The following CNNM2 variants were observed in gnomAD, a reference collection of about 807,000 sequenced individuals.
CNNM2 encodes metal transporter CNNM2.
A neutral mutation model predicts 66.9 loss-of-function variants in CNNM2; 12 were observed. The ratio of observed to expected loss-of-function variants is 0.18; its 90% CI spans 0.11 to 0.29. The LOEUF (loss-of-function observed/expected upper bound fraction) is 0.29, where lower values mean the gene tolerates loss of function less well. Ranked by LOEUF, CNNM2 falls within the 10% of genes least tolerant of loss-of-function variation. CNNM2 has a pLI of 1.00. For missense variants in CNNM2, 705 were observed against 1,167.7 expected, an observed-to-expected ratio of 0.60 and a Z score of 5.77; for synonymous variants, 557 against 501.8, an observed-to-expected ratio of 1.11 and a Z score of -1.47.
At chr10:103,022,721 T>C (rs1018775833) in intron 1 of CNNM2, among the ~76,000 whole-genome samples, 2 of 152,106 alleles carry the variant, frequency 1.3e-5, no homozygotes, top group African/African-American at 2.4e-5. Flanking sequence ...TGAGACTGGG[T>C]AATTTATAAA....
intron 1 of CNNM2, among the ~76,000 whole-genome samples, chr10:103,022,967 A>G (rs1420471046): frequency 6.6e-6 from 1 of 152,004 alleles, no homozygotes; most frequent in Non-Finnish European, 1.5e-5. Flanking sequence ...CAGTGGCATG[A>G]TTTCAGTTCA....
chr10:102,975,498 AC>A (rs2063615767), intron 1 of CNNM2, among the ~76,000 whole-genome samples: 1 of 144,604 alleles, frequency 6.9e-6, no homozygotes, highest in African/African-American at 2.6e-5. Flanking sequence ...ACAAACCTCC[AC>A]AGAGTTAAAC....
chr10:103,013,603 A>C (rs1666162508), intron 1 of CNNM2, among the ~76,000 whole-genome samples: 1 of 152,194 alleles, frequency 6.6e-6, no homozygotes, highest in African/African-American at 2.4e-5. Context: ...CCCTTTATCC[A>C]AGCCGAAAAC....
chr10:103,062,365 T>TTA (rs2065402027), intron 4 of CNNM2, among the ~76,000 whole-genome samples: 2 of 152,232 alleles, frequency 1.3e-5, no homozygotes, highest in East Asian at 3.8e-4. Context: ...AAGCTTTTAA[T>TTA]AGCAACCTCC....
chr10:103,019,350 T>G (rs961085399), intron 1 of CNNM2, among the ~76,000 whole-genome samples: 1 of 151,536 alleles, frequency 6.6e-6, no homozygotes, highest in African/African-American at 2.4e-5. Flanking sequence ...TGAGAGGTCA[T>G]GGAGATCACA....
intron 1 of CNNM2, among the ~76,000 whole-genome samples, chr10:102,939,409 C>A (rs150847722): frequency 2.0e-4 from 31 of 152,332 alleles, no homozygotes; most frequent in African/African-American, 7.5e-4. Flanking sequence ...CCCATGACTT[C>A]TTTTATTGCC....
intron 2 of CNNM2, among the ~76,000 whole-genome samples, chr10:103,052,420 T>C (rs1158081013): frequency 6.6e-6 from 1 of 152,226 alleles, no homozygotes; most frequent in Non-Finnish European, 1.5e-5. Context: ...CAAATGTTAG[T>C]TTAACTTCTC....
intron 1 of CNNM2, among the ~76,000 whole-genome samples, chr10:102,989,545 G>A (rs763310038): frequency 6.6e-6 from 1 of 152,120 alleles, no homozygotes; most frequent in Non-Finnish European, 1.5e-5. Flanking sequence ...ACTCATGCCT[G>A]TAATCCCAGC....
chr10:102,987,343 C>T (rs531590998), intron 1 of CNNM2, among the ~76,000 whole-genome samples: 75 of 152,048 alleles, frequency 4.9e-4, no homozygotes, highest in South Asian at 2.1e-3. Flanking sequence ...TATTTTGAGA[C>T]GGAGTCTCGC....
intron 1 of CNNM2, among the ~76,000 whole-genome samples, chr10:102,929,440 C>G (rs1325723233): frequency 7.4e-6 from 1 of 134,418 alleles, no homozygotes; most frequent in Non-Finnish European, 1.6e-5. Context: ...AAGAGCATGT[C>G]TTTTTTAAAA....
At chr10:103,058,237 C>T (rs1434277819) in intron 4 of CNNM2, among the ~76,000 whole-genome samples, 1 of 151,800 alleles carries the variant, frequency 6.6e-6, no homozygotes, top group Non-Finnish European at 1.5e-5. Context: ...TTTTTCTTTC[C>T]TCTTTGGAGA....
intron 1 of CNNM2, among the ~76,000 whole-genome samples, chr10:102,940,708 G>A (rs751316042): frequency 5.4e-5 from 8 of 147,160 alleles, no homozygotes; most frequent in Non-Finnish European, 8.9e-5. Context: ...GTGAGCCACC[G>A]CGCCTGGTCC....
At position 103,081,844 on chromosome 10, in the gene CNNM2, A is replaced by G. The variant is rs943049766; in HGVS notation, c.*4664A>G. The G allele has an allele frequency of 6.6e-6, 1 of 152,220 alleles. No individual in the cohort carries two copies. The highest frequency in any genetic ancestry group is 1.5e-5 in the Non-Finnish European group (1 of 68,054). 9.4% of individuals were successfully genotyped at this position (152,220 alleles called of 1,614,324 possible). Reference sequence around the variant, plus strand: ...AGAGATGGCAGTTCACAGCAACTGCATAGAGTAGGGAGCAGCTTTCCTCCC... The same window carrying G: ...AGAGATGGCAGTTCACAGCAACTGCGTAGAGTAGGGAGCAGCTTTCCTCCC... On this transcript the variant is annotated 3_prime_UTR_variant, in exon 8 of 8. Transcript: ENST00000369878.
chr10:102,948,576 C>G (rs1311311560), intron 1 of CNNM2, among the ~76,000 whole-genome samples: 2 of 152,282 alleles, frequency 1.3e-5, no homozygotes, highest in East Asian at 1.9e-4. Flanking sequence ...GGGACTCCAG[C>G]AGGCAGACCT....
In CNNM2 at chr10:102,948,318, C is replaced by T. The variant is rs76789777; in HGVS notation, c.1621+28217C>T. ...GCCCTGAGAATATTGGCAGGTGGGA[C>T]GGGAGGGAAGAAAGTAGCTTTTGGG... On this transcript the variant is annotated intron_variant, in intron 1 of 7. Transcript: ENST00000369878. Among the ~76,000 whole-genome samples the T allele has an allele frequency of 4.7e-3, 718 of 151,880 alleles. 20 individuals carry two copies. The East Asian group carries it at 0.073, about 15-fold the overall frequency.
At chr10:103,072,366 G>A (rs1377200168) in intron 6 of CNNM2, among the ~76,000 whole-genome samples, 2 of 152,172 alleles carry the variant, frequency 1.3e-5, no homozygotes, top group East Asian at 3.9e-4. Context: ...TCCCACATCC[G>A]TGTGAGTGGA....
intron 1 of CNNM2, among the ~76,000 whole-genome samples, chr10:103,045,324 G>A (rs913388902): frequency 1.3e-5 from 2 of 152,130 alleles, no homozygotes; most frequent in African/African-American, 4.8e-5. Flanking sequence ...AAGATTGTAG[G>A]ATGCCTAATT....
chr10:103,021,904 A>C (rs572515520), intron 1 of CNNM2, among the ~76,000 whole-genome samples: 1 of 152,358 alleles, frequency 6.6e-6, no homozygotes, highest in East Asian at 1.9e-4. Flanking sequence ...TATATGTAGT[A>C]ATCTTAGCCA....
rs1205872370 is a variant in CNNM2 at position 103,076,097 on chromosome 10, T to A, written c.2245T>A (p.Ser749Thr). 2 of 1,609,774 alleles carry A rather than the reference T, an allele frequency of 1.2e-6. No individual in the cohort carries two copies. Among genetic ancestry groups the A allele is most frequent in the Non-Finnish European group, 1.7e-6 (2 of 1,177,152 alleles). ...CCCTCCTTTTCCAGGTGAAAATAAG[T>A]CCCCTCCTCGCCCATGTGGCTTGAA... is the stretch of plus-strand genomic sequence containing the variant. ...LAAGSPGENKSPPRPCGLNHS... is the reference protein window; with the variant it reads ...LAAGSPGENKTPPRPCGLNHS... Residue 749 changes from serine to threonine, a missense_variant, in exon 7 of 8, where the codon TCC (serine) becomes ACC (threonine). Physicochemically the swap from Ser to Thr is moderately conservative, Grantham distance 58. This residue lies in a region of CNNM2 where 194 missense variants were observed against 227.6 expected (regional missense o/e 0.85). Coordinates refer to ENST00000369878, the MANE Select transcript of CNNM2 (RefSeq NM_017649.5).
Sources: allele counts gnomAD v4.1 joint callset (sites outside exome capture counted in the v4.1 genomes callset), GRCh38; gene constraint gnomAD v4.1.1; regional missense constraint gnomAD v4.1.1; transcripts MANE v1.5; gene names NCBI Gene and HGNC (gene_info 2026-07-23, HGNC 2026-07-21).